The following NRXN3 variants were observed in gnomAD, a reference collection of about 807,000 sequenced individuals.
NRXN3 encodes neurexin III.
NRXN3 carries 32 observed loss-of-function variants against 137.6 expected under a neutral mutation model. The ratio of observed to expected loss-of-function variants is 0.23; its 90% CI spans 0.18 to 0.31. The LOEUF is 0.31. Ranked by LOEUF, NRXN3 falls within the 10% of genes least tolerant of loss-of-function variation. The probability of loss-of-function intolerance (pLI) is 1.00; values close to 1 mark genes in which losing one functional copy is unlikely to be tolerated. For synonymous variants in NRXN3, 798 were observed against 784.5 expected (o/e 1.02, Z -0.29); for missense variants, 1,574 against 2,062.5 (o/e 0.76, Z 4.59).
intron 10 of NRXN3, among the ~76,000 whole-genome samples, chr14:78,930,503 T>C (rs963103780): frequency 2.0e-5 from 3 of 152,180 alleles, no homozygotes; most frequent in African/African-American, 7.2e-5. Context: ...TGCTCTCAAG[T>C]CTGGTGGGAG....
intron 6 of NRXN3, among the ~76,000 whole-genome samples, chr14:78,678,936 TC>T (rs1388169268): frequency 1.3e-5 from 2 of 152,156 alleles, no homozygotes; most frequent in Non-Finnish European, 2.9e-5. Flanking sequence ...GTTCTTCTAG[TC>T]CTGCAGAATT....
chr14:79,760,132 G>A (rs915545956), intron 19 of NRXN3, among the ~76,000 whole-genome samples: 3 of 151,526 alleles, frequency 2.0e-5, no homozygotes, highest in African/African-American at 7.3e-5. Flanking sequence ...AAATACACTT[G>A]TCCAAGGTAA....
At chr14:79,793,594 T>A (rs1036449020) in intron 19 of NRXN3, among the ~76,000 whole-genome samples, 1 of 152,282 alleles carries the variant, frequency 6.6e-6, no homozygotes, top group Middle Eastern at 3.4e-3. Context: ...GTTAGCTATA[T>A]AATTTGTGGA....
intron 9 of NRXN3, among the ~76,000 whole-genome samples, chr14:78,808,305 C>G (rs886424575): frequency 6.6e-6 from 1 of 152,148 alleles, no homozygotes; most frequent in Non-Finnish European, 1.5e-5. Flanking sequence ...CCCAAGCCAC[C>G]ACCTCTCACT....
intron 1 of NRXN3, among the ~76,000 whole-genome samples, chr14:78,170,950 TTC>T (rs1259520592): frequency 9.7e-5 from 12 of 124,352 alleles, no homozygotes; most frequent in East Asian, 2.3e-4. Flanking sequence ...TATCTTCTTC[TTC>T]TTTTTTTTTT....
At chr14:78,858,995 A>C (rs923701061) in intron 10 of NRXN3, among the ~76,000 whole-genome samples, 5 of 152,162 alleles carry the variant, frequency 3.3e-5, no homozygotes, top group African/African-American at 4.8e-5. Flanking sequence ...ATCTCACCTC[A>C]AATTGTAATC....
intron 10 of NRXN3, among the ~76,000 whole-genome samples, chr14:78,834,870 C>T (rs2098991969): frequency 6.6e-6 from 1 of 152,128 alleles, no homozygotes; most frequent in Admixed American, 6.5e-5. Flanking sequence ...ATACAGCCTA[C>T]AGTGGGAAGA....
At chr14:79,073,490 G>C (rs960691404) in intron 15 of NRXN3, among the ~76,000 whole-genome samples, 2 of 152,098 alleles carry the variant, frequency 1.3e-5, no homozygotes, top group East Asian at 1.9e-4. Context: ...CCTCCTGCTT[G>C]ATGTGAATAA....
intron 15 of NRXN3, among the ~76,000 whole-genome samples, chr14:79,163,903 CAATAAT>C (rs5809924): frequency 1.3e-5 from 2 of 151,064 alleles, no homozygotes; most frequent in Non-Finnish European, 3.0e-5. Context: ...ACAACAACAA[CAATAAT>C]ATTTTCTTCC....
intron 1 of NRXN3, among the ~76,000 whole-genome samples, chr14:78,182,383 G>GA (rs2059889253): frequency 6.6e-6 from 1 of 152,074 alleles, no homozygotes; most frequent in South Asian, 2.1e-4. Flanking sequence ...ATGGGGGTCA[G>GA]AAAAAACAGA....
In NRXN3 at chr14:78,915,450, A is replaced by G. The variant is rs111778404; in HGVS notation, c.2276-41792A>G. Among the ~76,000 whole-genome samples, 1,334 of 151,726 alleles carry G rather than the reference A, an allele frequency of 8.8e-3. 13 individuals are homozygous for G. Among genetic ancestry groups the G allele is most frequent in the Admixed American group, 0.016 (241 of 15,198 alleles). On this transcript the variant is annotated intron_variant, in intron 10 of 20. Coordinates refer to ENST00000335750, the MANE Select transcript of NRXN3 (RefSeq NM_001330195.2). Reference sequence around the variant, plus strand: ...AGAGAAGTCAAAGAAATAGTATTCAATTTTCTGTTTAGTACCATTTATTCA... The same window carrying G: ...AGAGAAGTCAAAGAAATAGTATTCAGTTTTCTGTTTAGTACCATTTATTCA...
intron 1 of NRXN3, among the ~76,000 whole-genome samples, chr14:78,176,825 C>T (rs1278642011): frequency 6.6e-6 from 1 of 151,824 alleles, no homozygotes; most frequent in African/African-American, 2.4e-5. Flanking sequence ...CTTCTTAGTT[C>T]TCTTTCTTCA....
At chr14:79,022,800 T>G (rs1436752960) in intron 15 of NRXN3, among the ~76,000 whole-genome samples, 2 of 152,212 alleles carry the variant, frequency 1.3e-5, no homozygotes, top group Non-Finnish European at 2.9e-5. Context: ...CTAATGGTTT[T>G]GTGCATTGCA....
At chr14:78,833,571 T>G (rs1196893721) in intron 10 of NRXN3, among the ~76,000 whole-genome samples, 1 of 152,172 alleles carries the variant, frequency 6.6e-6, no homozygotes, top group African/African-American at 2.4e-5. Flanking sequence ...TCAAAAGAAC[T>G]TGGTCAAGAT....
At chr14:79,803,432 C>A (rs1210789046) in intron 19 of NRXN3, among the ~76,000 whole-genome samples, 1 of 152,100 alleles carries the variant, frequency 6.6e-6, no homozygotes, top group Non-Finnish European at 1.5e-5. Context: ...TGAGAACTCT[C>A]CCCTTGGCTT....
intron 19 of NRXN3, among the ~76,000 whole-genome samples, chr14:79,773,126 C>G (rs1386942850): frequency 6.6e-6 from 1 of 152,120 alleles, no homozygotes; most frequent in Non-Finnish European, 1.5e-5. Context: ...AGTCAGGAAA[C>G]AACAGGTGCT....
At chr14:79,489,446 G>A (rs1166532050) in intron 16 of NRXN3, among the ~76,000 whole-genome samples, 2 of 152,104 alleles carry the variant, frequency 1.3e-5, no homozygotes, top group African/African-American at 4.8e-5. Context: ...GACTGAGAAG[G>A]AAAAAATCTT....
intron 17 of NRXN3, among the ~76,000 whole-genome samples, chr14:79,676,578 A>G (rs1002150047): frequency 6.6e-6 from 1 of 151,928 alleles, no homozygotes; most frequent in African/African-American, 2.4e-5. Context: ...GATTTTAGGT[A>G]TTCATACGAC....
chr14:79,261,190 G>T (rs908076356), intron 15 of NRXN3, among the ~76,000 whole-genome samples: 5 of 152,146 alleles, frequency 3.3e-5, no homozygotes, highest in African/African-American at 1.2e-4. Flanking sequence ...GAGAAGAAAC[G>T]AAAGCTGAAG....
Sources: allele counts gnomAD v4.1 joint callset (sites outside exome capture counted in the v4.1 genomes callset), GRCh38; gene constraint gnomAD v4.1.1; transcripts MANE v1.5; gene names NCBI Gene and HGNC (gene_info 2026-07-23, HGNC 2026-07-21).